The following STK36 variants were observed in gnomAD, a reference collection of about 807,000 sequenced individuals.
STK36 encodes the protein serine/threonine-protein kinase 36.
A neutral mutation model predicts 142.2 loss-of-function variants in STK36; 116 were observed. The ratio of observed to expected loss-of-function variants is 0.82; its 90% CI spans 0.70 to 0.95. The LOEUF (loss-of-function observed/expected upper bound fraction) is 0.95, where lower values mean the gene tolerates loss of function less well. STK36 is among the 40% of genes least tolerant of loss of function. The pLI, the probability that STK36 is intolerant of heterozygous loss-of-function variation, is 0.00. For synonymous variants in STK36, 619 were observed against 641.7 expected, an observed-to-expected ratio of 0.96 and a Z score of 0.53; for missense variants, 1,422 against 1,617.2, an observed-to-expected ratio of 0.88 and a Z score of 2.07.
chr2:218,700,798 G>T (rs1020147304), intron 26 of STK36, among the ~76,000 whole-genome samples: 3 of 151,346 alleles, frequency 2.0e-5, no homozygotes, highest in African/African-American at 7.3e-5. Context: ...GATCACTTGA[G>T]GTCAGGAGTT....
Position 218,699,109 on chromosome 2 carries a change from G to T in STK36, c.3565G>T (p.Ala1189Ser), listed in dbSNP as rs775718149. 6.2e-7 allele frequency: 1 copy of T among 1,613,946 alleles called. No homozygotes were observed. Among genetic ancestry groups the T allele is most frequent in the Non-Finnish European group, 8.5e-7 (1 of 1,180,024 alleles). The part of the protein sequence containing the change: ...AAYQAGPLGP[A>S]LAAAVPSMTQ... ...CTACCAGGCTGGTCCTCTGGGACCT[G>T]CCCTGGCAGCTGCAGTGCCCAGTAT... Residue 1189 changes from alanine to serine, a missense_variant, in exon 26 of 27, where the codon GCC becomes TCC. Physicochemically the swap from Ala to Ser is moderately conservative, Grantham distance 99. Coordinates refer to ENST00000295709, the MANE Select transcript of STK36 (RefSeq NM_015690.5).
Position 218,675,480 on chromosome 2 carries a change from A to G in STK36, c.434+7A>G. 6.4e-7 allele frequency: 1 copy of G among 1,553,136 alleles called. No homozygotes were observed. The highest frequency in any genetic ancestry group is 8.8e-7 in the Non-Finnish European group (1 of 1,138,660). On this transcript the variant is annotated splice_region_variant and intron_variant, in intron 5 of 26. Transcript: ENST00000295709. ...TCAAGCTCTGTGACTTTGGGTAAAG[A>G]TTCTGAGCATCCATCTAAGCTTCCA...
At position 218,698,949 on chromosome 2, in the gene STK36, C is replaced by T; in HGVS notation, c.3405C>T (p.His1135=). 1 of 1,614,190 alleles carries T rather than the reference C, an allele frequency of 6.2e-7. No homozygotes were observed. The highest frequency in any genetic ancestry group is 2.2e-5 in the East Asian group (1 of 44,878). ...VRAHTYRLLG[H]LLQHSMALRG... is the part of the protein sequence containing the mutation. ...CACACACTTATAGGCTCCTGGGACA[C>T]TTGCTCCAACACAGCATGGCCCTGC... is the stretch of plus-strand genomic sequence containing the variant. The change falls in exon 26 of 27, where the codon CAC becomes CAT. Residue 1135 remains histidine (H), a synonymous_variant. Coordinates refer to ENST00000295709, the MANE Select transcript of STK36 (RefSeq NM_015690.5).
rs1941463878 is a variant in STK36, at chr2:218,702,112, A to G, written c.*103A>G. 2.1e-6 allele frequency: 3 copies of G among 1,414,098 alleles called. No homozygotes were observed. Among genetic ancestry groups the G allele is most frequent in the Admixed American group, 4.9e-5 (2 of 40,440 alleles). 87.6% of individuals were successfully genotyped at this position (1,414,098 alleles called of 1,614,324 possible). A position where few individuals can be genotyped will look rare whatever the true frequency, so the allele number is the denominator to read the frequency against. ...CTGAGAGCTAAAGAGACTAGAAAAGAGATAAGCTGCCAACTCAACTGAGAA... is the reference window on the plus strand; with the variant it reads ...CTGAGAGCTAAAGAGACTAGAAAAGGGATAAGCTGCCAACTCAACTGAGAA... On this transcript the variant is annotated 3_prime_UTR_variant, in exon 27 of 27. Coordinates refer to ENST00000295709, the MANE Select transcript of STK36 (RefSeq NM_015690.5).
At chr2:218,689,463 C>G (rs1575134723) in intron 12 of STK36, among the ~76,000 whole-genome samples, 1 of 152,128 alleles carries the variant, frequency 6.6e-6, no homozygotes, top group South Asian at 2.1e-4. Flanking sequence ...CTGCTGTGTC[C>G]TACGGTAGCT....
At chr2:218,696,938 T>C in intron 22 of STK36, 101 bp from the exon 23 acceptor site, 3 of 1,480,394 alleles carry the variant, frequency 2.0e-6, no homozygotes, top group Non-Finnish European at 1.9e-6. Context: ...GAATTATTTC[T>C]GGGACTTCCT....
intron 6 of STK36, among the ~76,000 whole-genome samples, chr2:218,678,368 A>G (rs35472563): frequency 0.013 from 1,992 of 152,288 alleles, 22 homozygotes; most frequent in Non-Finnish European, 0.021. Context: ...AGGGACAACA[A>G]ATTCCTCCCC....
chr2:218,676,427 T>A, intron 6 of STK36, 149 bp downstream of exon 6: 1 of 1,059,610 alleles, frequency 9.4e-7, no homozygotes, highest in Non-Finnish European at 1.3e-6. Flanking sequence ...CGCATTGCTA[T>A]ACAGAACCAC....
intron 10 of STK36, among the ~76,000 whole-genome samples, chr2:218,681,604 A>G (rs1940524391): frequency 1.3e-5 from 2 of 152,212 alleles, no homozygotes; most frequent in South Asian, 4.1e-4. Flanking sequence ...ACAGAAATTT[A>G]TTTCTCACAG....
chr2:218,672,845 G>C lies in STK36; in HGVS notation c.16G>C (p.Val6Leu). 6.2e-7 allele frequency: 1 copy of C among 1,614,068 alleles called. No homozygotes were observed. The highest frequency in any genetic ancestry group is 8.5e-7 in the Non-Finnish European group (1 of 1,179,976). The change falls in exon 2 of 27, where the codon GTG (valine) becomes CTG (leucine). Residue 6 changes from valine to leucine, a missense_variant. Coordinates refer to ENST00000295709, the MANE Select transcript of STK36 (RefSeq NM_015690.5). MEKYH[V>L]LEMIGEGSFG... ...AACCTCTGTCATGGAAAAGTACCAC[G>C]TGTTGGAGATGATTGGAGAAGGCTC...
Position 218,694,081 on chromosome 2 carries a change from G to A in STK36, c.2336+98G>A. The stretch of plus-strand genomic sequence containing the variant: ...AATGGTACCCTACAGCATATCCTTA[G>A]GAGGAATTGGGATAGAGAGCGTGAA... On this transcript the variant is annotated intron_variant, in intron 19 of 26. Transcript: ENST00000295709. The surrounding 1 kb of genome is among the most constrained non-coding windows in gnomAD (Gnocchi z 4.4). The A allele has an allele frequency of 7.7e-7, 1 of 1,303,452 alleles. No individual in the cohort carries two copies. Among genetic ancestry groups the A allele is most frequent in the South Asian group, 1.2e-5 (1 of 83,296 alleles). 80.7% of individuals were successfully genotyped at this position (1,303,452 alleles called of 1,614,324 possible).
intron 12 of STK36, 129 bp downstream of exon 12, chr2:218,689,005 G>T (rs765080308): frequency 3.0e-6 from 3 of 990,870 alleles, no homozygotes; most frequent in Non-Finnish European, 4.3e-6. Flanking sequence ...CTAGTTAGTA[G>T]ACTATTAATT....
intron 5 of STK36, 138 bp from the exon 6 acceptor site, chr2:218,675,890 TG>T: frequency 9.3e-7 from 1 of 1,078,484 alleles, no homozygotes; most frequent in Non-Finnish European, 1.4e-6. Context: ...AGCTAGAGGC[TG>T]GGACTGCTGC....
intron 26 of STK36, among the ~76,000 whole-genome samples, chr2:218,701,540 G>T (rs1189023987): frequency 1.3e-5 from 2 of 152,266 alleles, no homozygotes; most frequent in South Asian, 2.1e-4. Context: ...TGCATTGAAG[G>T]CTAGGAATTA....
At chr2:218,692,461 A>G (rs916150115) in intron 15 of STK36, 122 bp from the exon 16 acceptor site, 2 of 1,497,138 alleles carry the variant, frequency 1.3e-6, no homozygotes, top group Middle Eastern at 2.5e-4. Flanking sequence ...AACAGACCTC[A>G]TCCTGCATTC....
chr2:218,684,189 G>A (rs1396306739), intron 10 of STK36, among the ~76,000 whole-genome samples: 17 of 137,210 alleles, frequency 1.2e-4, no homozygotes, highest in Middle Eastern at 4.1e-3. Flanking sequence ...TCAGCTCACC[G>A]CCACCTCCAC....
chr2:218,699,205 C>T lies in STK36; in HGVS notation c.3661C>T (p.Pro1221Ser). The change falls in exon 26 of 27, where the codon CCT becomes TCT. Residue 1221 changes from proline (P) to serine (S), a missense_variant. By Grantham distance (74) the Pro-to-Ser change is moderately conservative (BLOSUM62 -1). Around this residue, in one of 2 missense-constraint regions of STK36, gnomAD observed 962 missense variants for 1,167.5 expected, o/e 0.82. Transcript: ENST00000295709. ...TGCATCAGCTCTGGGCAACTTGGGA[C>T]CTGAAGGTTTGGGAGAGGAGCTGTT... ...NVASALGNLG[P>S]EGLGEELLQC... is the part of the protein sequence containing the mutation. 6.2e-7 allele frequency: 1 copy of T among 1,613,908 alleles called. No individual in the cohort carries two copies. The highest frequency in any genetic ancestry group is 8.5e-7 in the Non-Finnish European group (1 of 1,180,016).
At position 218,679,658 on chromosome 2, in the gene STK36, G is replaced by T; in HGVS notation, c.877G>T (p.Ala293Ser). 1 of 1,614,128 alleles carries T rather than the reference G, an allele frequency of 6.2e-7. No individual in the cohort carries two copies. The highest frequency in any genetic ancestry group is 8.5e-7 in the Non-Finnish European group (1 of 1,180,030). Residue 293 changes from alanine (A) to serine (S), a missense_variant, in exon 8 of 27, where the codon GCC becomes TCC. Coordinates refer to ENST00000295709, the MANE Select transcript of STK36 (RefSeq NM_015690.5). ...AAAGGACGAACAGGCCCATCGGTTG[G>T]CCCCCAAGGGTAATCAGTCTCGCAT... ...VLKDEQAHRL[A>S]PKGNQSRILT... is the part of the protein sequence containing the mutation.
chr2:218,688,447 T>C (rs1470345581), intron 11 of STK36: 2 of 591,950 alleles, frequency 3.4e-6, no homozygotes, highest in South Asian at 3.3e-5. Flanking sequence ...CTGACAGAGA[T>C]CCTGAGGAGA....
Sources: allele counts gnomAD v4.1 joint callset (sites outside exome capture counted in the v4.1 genomes callset), GRCh38; gene constraint gnomAD v4.1.1; regional missense constraint gnomAD v4.1.1; non-coding constraint Gnocchi (gnomAD v3.1); transcripts MANE v1.5; gene names NCBI Gene and HGNC (gene_info 2026-07-23, HGNC 2026-07-21).